SMC5: variants seen among roughly 807,000 people sequenced by gnomAD.
SMC5 encodes structural maintenance of chromosomes protein 5.
Under a neutral mutation model 148.3 loss-of-function variants are expected in SMC5, and 88 were observed. The ratio of observed to expected loss-of-function variants is 0.59; its 90% CI spans 0.50 to 0.71. SMC5 has a LOEUF of 0.71. Ranked by LOEUF, SMC5 falls within the 30% of genes least tolerant of loss-of-function variation. The pLI is 0.00. For synonymous variants in SMC5, 421 were observed against 432.8 expected (o/e 0.97, Z 0.34); for missense variants, 1,142 against 1,298.9 (o/e 0.88, Z 1.86).
chr9:70,292,966 T>G (rs1275409973), intron 8 of SMC5, among the ~76,000 whole-genome samples: 2 of 152,146 alleles, frequency 1.3e-5, no homozygotes, highest in Non-Finnish European at 2.9e-5. Flanking sequence ...CTTCTTGTAT[T>G]CTCTGCCTAG....
Position 70,353,437 on chromosome 9 carries a change from T to G in SMC5, c.*1106T>G, listed in dbSNP as rs960590533. ...TACTAATTAGTAGAACCAAACAAAT[T>G]ATCTTCTTTTAAAAAATAAATCTTA... On this transcript the variant is annotated 3_prime_UTR_variant, in exon 25 of 25. Coordinates refer to ENST00000361138, the MANE Select transcript of SMC5 (RefSeq NM_015110.4). 2 of 152,176 alleles carry G rather than the reference T, an allele frequency of 1.3e-5. No homozygotes were observed. Among genetic ancestry groups the G allele is most frequent in the South Asian group, 4.1e-4 (2 of 4,828 alleles). The allele number at this position is 152,176 out of a possible 1,614,324, so 9.4% of individuals were successfully genotyped here.
intron 13 of SMC5, among the ~76,000 whole-genome samples, chr9:70,317,983 G>C: frequency 6.6e-6 from 1 of 152,160 alleles, no homozygotes; most frequent in East Asian, 1.9e-4. Context: ...TTCTTTAGAT[G>C]TAACAAAGCT....
At chr9:70,262,478 A>G (rs899681170) in intron 1 of SMC5, among the ~76,000 whole-genome samples, 4 of 152,182 alleles carry the variant, frequency 2.6e-5, no homozygotes, top group African/African-American at 9.7e-5. Flanking sequence ...AAGAGATGAA[A>G]GAACCAAAGA....
chr9:70,338,474 A>G (rs2036424837), intron 17 of SMC5, among the ~76,000 whole-genome samples: 1 of 152,190 alleles, frequency 6.6e-6, no homozygotes, highest in South Asian at 2.1e-4. Context: ...ATTAAGTCCT[A>G]ATAGCTGTGG....
In SMC5 at chr9:70,350,231, T is replaced by C. The variant is rs1194104838; in HGVS notation, c.3007T>C (p.Tyr1003His). ...TGAAAGAAGTGTTTCTACCATGTTATACTTGATGGCACTTCAGGAGCTAAA... is the reference window on the plus strand; with the variant it reads ...TGAAAGAAGTGTTTCTACCATGTTACACTTGATGGCACTTCAGGAGCTAAA... ...GGERSVSTML[Y>H]LMALQELNRC... Residue 1003 changes from tyrosine to histidine, a missense_variant, in exon 23 of 25, where the codon TAC becomes CAC. Coordinates refer to ENST00000361138, the MANE Select transcript of SMC5 (RefSeq NM_015110.4). 1 of 1,613,750 alleles carries C rather than the reference T, an allele frequency of 6.2e-7. No homozygotes were observed. The highest frequency in any genetic ancestry group is 8.5e-7 in the Non-Finnish European group (1 of 1,179,816).
intron 2 of SMC5, 42 bp from the exon 3 acceptor site, chr9:70,267,881 G>A (rs762208464): frequency 2.6e-6 from 4 of 1,526,410 alleles, no homozygotes; most frequent in Non-Finnish European, 3.6e-6. Context: ...GTTAACCTGG[G>A]AATGTCACTA....
chr9:70,259,749 A>C (rs1412070626), intron 1 of SMC5, among the ~76,000 whole-genome samples: 1 of 152,164 alleles, frequency 6.6e-6, no homozygotes, highest in Non-Finnish European at 1.5e-5. Flanking sequence ...GTACAAAAAA[A>C]TTAAACACTT....
At chr9:70,309,318 C>CTTGTTT (rs2035594423) in intron 11 of SMC5, among the ~76,000 whole-genome samples, 1 of 79,180 alleles carries the variant, frequency 1.3e-5, no homozygotes, top group Non-Finnish European at 2.3e-5. Context: ...TTTCCTTTTC[C>CTTGTTT]TTTTTTTTTT....
chr9:70,314,771 T>C lies in SMC5; in HGVS notation c.1608T>C (p.Asn536=), dbSNP rs2118568118. The C allele has an allele frequency of 1.3e-6, 2 of 1,568,506 alleles. No homozygotes were observed. Among genetic ancestry groups the C allele is most frequent in the East Asian group, 2.3e-5 (1 of 42,964 alleles). Residue 536 remains asparagine, a synonymous_variant, in exon 12 of 25, where the codon AAT becomes AAC. Coordinates refer to ENST00000361138, the MANE Select transcript of SMC5 (RefSeq NM_015110.4). ...GTGACAATAAAAAATTAAGAGTAAA[T>C]GCTGTTATTGCTCCCAAGAGTTCAT... ...EVRDNKKLRV[N]AVIAPKSSYA...
In SMC5 at chr9:70,350,460, A is replaced by G. The variant is rs767313342; in HGVS notation, c.3154A>G (p.Ile1052Val). 2.6e-5 allele frequency: 42 copies of G among 1,594,084 alleles called. No homozygotes were observed. The highest frequency in any genetic ancestry group is 6.8e-5 in the East Asian group (3 of 44,370). Residue 1052 changes from isoleucine (I) to valine (V), a missense_variant, in exon 24 of 25, where the codon ATA (isoleucine) becomes GTA (valine). Physicochemically the swap from Ile to Val is conservative, Grantham distance 29. Coordinates refer to ENST00000361138, the MANE Select transcript of SMC5 (RefSeq NM_015110.4). ...AGAAAATACATCTCAATACTTTTTCATAACACCAAAGGTAGGTAAAAAGTA... is the reference window on the plus strand; with the variant it reads ...AGAAAATACATCTCAATACTTTTTCGTAACACCAAAGGTAGGTAAAAAGTA... ...CKENTSQYFF[I>V]TPKLLQNLPY... is the part of the protein sequence containing the mutation.
chr9:70,298,859 T>C (rs1564040789), intron 9 of SMC5, among the ~76,000 whole-genome samples: 1 of 151,924 alleles, frequency 6.6e-6, no homozygotes, highest in Non-Finnish European at 1.5e-5. Flanking sequence ...AATCCTTCCA[T>C]ATATATCATA....
chr9:70,259,393 C>G (rs372346064), intron 1 of SMC5, 130 bp downstream of exon 1: 652 of 962,684 alleles, frequency 6.8e-4, no homozygotes, highest in African/African-American at 5.2e-3. Context: ...GAATTCGTGC[C>G]GGGGTTCCCT....
chr9:70,339,256 C>G (rs1380159391), intron 17 of SMC5, among the ~76,000 whole-genome samples: 1 of 151,952 alleles, frequency 6.6e-6, no homozygotes, highest in African/African-American at 2.4e-5. Context: ...GGTGAAACCC[C>G]ATCTCTACTA....
Position 70,352,361 on chromosome 9 carries a change from T to G in SMC5, c.*30T>G. On this transcript the variant is annotated 3_prime_UTR_variant, in exon 25 of 25. Coordinates refer to ENST00000361138, the MANE Select transcript of SMC5 (RefSeq NM_015110.4). ...AGTAAAGAGAGGGAACTTGGGAATT[T>G]TTTTTGTTAAATTCTGTTTATAAGT... 6.4e-7 allele frequency: 1 copy of G among 1,565,170 alleles called. No homozygotes were observed.
chr9:70,320,658 G>A (rs1428907045), intron 15 of SMC5, among the ~76,000 whole-genome samples: 1 of 152,126 alleles, frequency 6.6e-6, no homozygotes, highest in African/African-American at 2.4e-5. Context: ...TGTGGATTTT[G>A]GAATCCTTAG....
chr9:70,310,757 C>A (rs2035636604), intron 11 of SMC5: 2 of 152,120 alleles, frequency 1.3e-5, no homozygotes, highest in South Asian at 4.1e-4. Context: ...TTAGTGTAGC[C>A]ACCTTCATCA....
In SMC5 at chr9:70,315,601, A is replaced by C. The variant is rs753523812; in HGVS notation, c.1806+23A>C. ...CGGGTAGGAAAGTAGTGAATCATGT[A>C]CTGAATCATGTACCAAAAATGTAGT... On this transcript the variant is annotated intron_variant, in intron 13 of 24. Coordinates refer to ENST00000361138, the MANE Select transcript of SMC5 (RefSeq NM_015110.4). 1.6e-5 allele frequency: 23 copies of C among 1,481,550 alleles called. No homozygotes were observed. In the South Asian group the frequency reaches 1.6e-4, roughly 10 times the overall value. The allele number at this position is 1,481,550 out of a possible 1,614,324, so 91.8% of individuals were successfully genotyped here.
intron 13 of SMC5, among the ~76,000 whole-genome samples, chr9:70,316,028 A>G (rs2035792271): frequency 1.3e-5 from 2 of 152,204 alleles, no homozygotes; most frequent in Middle Eastern, 3.4e-3. Context: ...TAAAACTTGT[A>G]CTTAAGATTA....
intron 3 of SMC5, among the ~76,000 whole-genome samples, chr9:70,270,642 AT>A (rs71364589): frequency 0.16 from 16,375 of 103,896 alleles, 862 homozygotes; most frequent in East Asian, 0.35. Context: ...AGACTAAATA[AT>A]TTTTTTTTTT....
Sources: gnomAD v4.1 joint callset for allele counts (sites outside exome capture counted in the v4.1 genomes callset) on GRCh38, gnomAD v4.1.1 for gene constraint, MANE v1.5 for transcripts, NCBI Gene and HGNC (gene_info 2026-07-23, HGNC 2026-07-21) for gene names.